The following ATXN1 variants were observed in gnomAD, a reference collection of about 807,000 sequenced individuals.
ATXN1 encodes ataxin 1.
In ATXN1, 8 loss-of-function variants were observed where a neutral mutation model predicts 56.4. The ratio of observed to expected loss-of-function variants is 0.14; its 90% CI spans 0.08 to 0.26. The LOEUF (loss-of-function observed/expected upper bound fraction) is 0.26. Ranked by LOEUF, ATXN1 falls within the 10% of genes least tolerant of loss-of-function variation. The pLI, the probability that ATXN1 is intolerant of heterozygous loss-of-function variation, is 1.00. For synonymous variants in ATXN1, 514 were observed against 494.6 expected (o/e 1.04, Z -0.52); for missense variants, 987 against 1,106.5 (o/e 0.89, Z 1.53).
In ATXN1 at chr6:16,579,487, CCCCCCA is replaced by C. The variant is rs1388931101; in HGVS notation, c.-361+6287_-361+6292del. 4.8e-3 allele frequency among the ~76,000 whole-genome samples: 174 copies of C among 36,292 alleles called. 32 individuals are homozygous for C. Among genetic ancestry groups the C allele is most frequent in the African/African-American group, 0.014 (138 of 10,074 alleles). 23.8% of individuals were successfully genotyped at this position (36,292 alleles called of 152,430 possible). A position where few individuals can be genotyped will look rare whatever the true frequency, so the allele number is the denominator to read the frequency against. The stretch of plus-strand genomic sequence containing the variant: ...CTGAGTACCTTGGTCAAAGCCCCCC[CCCCCCA>C]CCCGCCGATTCATTCCCAAGTCCAA... On this transcript the variant is annotated intron_variant, in intron 4 of 7. Coordinates refer to ENST00000436367, the MANE Select transcript of ATXN1 (RefSeq NM_001128164.2).
At chr6:16,350,081 G>C (rs1761534651) in intron 6 of ATXN1, among the ~76,000 whole-genome samples, 1 of 152,134 alleles carries the variant, frequency 6.6e-6, no homozygotes, top group Non-Finnish European at 1.5e-5. Flanking sequence ...GATAAATAAT[G>C]CTGCTGTAGG....
intron 6 of ATXN1, among the ~76,000 whole-genome samples, chr6:16,441,486 A>G (rs981056632): frequency 6.6e-6 from 1 of 152,172 alleles, no homozygotes; most frequent in Non-Finnish European, 1.5e-5. Flanking sequence ...GTGCACAGTT[A>G]TTATAAGAAG....
chr6:16,474,117 T>C (rs1760276724), intron 6 of ATXN1, among the ~76,000 whole-genome samples: 3 of 152,238 alleles, frequency 2.0e-5, no homozygotes, highest in Admixed American at 6.5e-5. Flanking sequence ...CTCCAGCCAC[T>C]CCAAACTACT....
intron 6 of ATXN1, among the ~76,000 whole-genome samples, chr6:16,454,140 A>C (rs1365980325): frequency 2.4e-5 from 2 of 84,412 alleles, no homozygotes; most frequent in Non-Finnish European, 6.9e-5. Context: ...AAAAAAAAAA[A>C]AAAAAAAAAA....
chr6:16,613,097 C>G (rs1763141543), intron 3 of ATXN1, among the ~76,000 whole-genome samples: 1 of 147,916 alleles, frequency 6.8e-6, no homozygotes, highest in Admixed American at 6.7e-5. Flanking sequence ...AACCCCGTCT[C>G]TACTAAAAAT....
chr6:16,505,084 A>G (rs1172565138), intron 5 of ATXN1, among the ~76,000 whole-genome samples: 2 of 149,202 alleles, frequency 1.3e-5, no homozygotes, highest in Non-Finnish European at 3.0e-5. Flanking sequence ...CTAATTACAC[A>G]CACCCTCCGA....
At chr6:16,525,520 GC>G (rs1236516940) in intron 4 of ATXN1, among the ~76,000 whole-genome samples, 1 of 152,110 alleles carries the variant, frequency 6.6e-6, no homozygotes, top group Non-Finnish European at 1.5e-5. Flanking sequence ...GCTACCAAAG[GC>G]TGGGAAGGGT....
At chr6:16,758,096 T>A (rs1378305098) in intron 1 of ATXN1, among the ~76,000 whole-genome samples, 4 of 152,200 alleles carry the variant, frequency 2.6e-5, no homozygotes, top group Admixed American at 2.6e-4. Flanking sequence ...AGATCCAAAT[T>A]AAGAATGAAT....
intron 4 of ATXN1, among the ~76,000 whole-genome samples, chr6:16,552,842 C>T (rs1056257524): frequency 1.3e-4 from 20 of 152,188 alleles, no homozygotes; most frequent in Non-Finnish European, 2.1e-4. Context: ...GTTTAACTTC[C>T]ACTCACACTC....
chr6:16,475,593 A>G (rs1435333587), intron 6 of ATXN1, among the ~76,000 whole-genome samples: 1 of 152,208 alleles, frequency 6.6e-6, no homozygotes, highest in Non-Finnish European at 1.5e-5. Flanking sequence ...AATTTCCCAA[A>G]GGACACACAG....
intron 3 of ATXN1, among the ~76,000 whole-genome samples, chr6:16,627,096 AATG>A (rs1763419698): frequency 6.6e-6 from 1 of 152,222 alleles, no homozygotes; most frequent in African/African-American, 2.4e-5. Context: ...TTAGAAAGAC[AATG>A]TGAACTGGCA....
intron 6 of ATXN1, among the ~76,000 whole-genome samples, chr6:16,401,434 A>G (rs185251874): frequency 6.6e-6 from 1 of 152,272 alleles, no homozygotes; most frequent in African/African-American, 2.4e-5. Flanking sequence ...ACTCTAAAAA[A>G]CATAATTTAA....
chr6:16,505,462 C>T (rs192277521), intron 5 of ATXN1, among the ~76,000 whole-genome samples: 7 of 152,196 alleles, frequency 4.6e-5, no homozygotes, highest in South Asian at 4.1e-4. Flanking sequence ...AGGGAAAGAA[C>T]GCATAAACGC....
At chr6:16,685,286 G>T (rs972074063) in intron 2 of ATXN1, among the ~76,000 whole-genome samples, 1 of 152,086 alleles carries the variant, frequency 6.6e-6, no homozygotes, top group Non-Finnish European at 1.5e-5. Context: ...AAAAATGAAG[G>T]CTTTTGCCCA....
Position 16,473,316 on chromosome 6 carries a change from C to T in ATXN1, c.-161+12656G>A, listed in dbSNP as rs542189754. Among the ~76,000 whole-genome samples, 13 of 152,224 alleles carry T rather than the reference C, an allele frequency of 8.5e-5. No homozygotes were observed. The East Asian group carries it at 1.9e-3, about 23-fold the overall frequency. ...ACAACAAACTGGTCCCCAAACGTAC[C>T]GGTGAAAACCACACGTTCTCACTCT... On this transcript the variant is annotated intron_variant, in intron 6 of 7. Coordinates refer to ENST00000436367, the MANE Select transcript of ATXN1 (RefSeq NM_001128164.2).
At chr6:16,435,264 G>A (rs575149766) in intron 6 of ATXN1, among the ~76,000 whole-genome samples, 1 of 152,124 alleles carries the variant, frequency 6.6e-6, no homozygotes, top group African/African-American at 2.4e-5. Flanking sequence ...ACACAGGCCC[G>A]AAGATGATGA....
intron 2 of ATXN1, among the ~76,000 whole-genome samples, chr6:16,659,587 G>C (rs1316292536): frequency 6.6e-6 from 1 of 152,186 alleles, no homozygotes; most frequent in Non-Finnish European, 1.5e-5. Context: ...GACCCAGGGA[G>C]GTTGACATAC....
At chr6:16,585,304 T>A (rs893909231) in intron 4 of ATXN1, among the ~76,000 whole-genome samples, 2 of 152,122 alleles carry the variant, frequency 1.3e-5, no homozygotes, top group Non-Finnish European at 2.9e-5. Flanking sequence ...AGAAGGGATA[T>A]AAATTAAATA....
chr6:16,523,061 A>AT (rs1026610578), intron 4 of ATXN1, among the ~76,000 whole-genome samples: 1 of 151,762 alleles, frequency 6.6e-6, no homozygotes, highest in African/African-American at 2.4e-5. Context: ...CTTTTTTTGT[A>AT]TTTTTTTGAA....
Sources: gnomAD v4.1 joint callset for allele counts (sites outside exome capture counted in the v4.1 genomes callset) on GRCh38, gnomAD v4.1.1 for gene constraint, MANE v1.5 for transcripts, NCBI Gene and HGNC (gene_info 2026-07-23, HGNC 2026-07-21) for gene names.